The following PPP2R2D variants were observed in gnomAD, a reference collection of about 807,000 sequenced individuals.
The protein encoded by PPP2R2D is protein phosphatase 2 regulatory subunit Bdelta.
A neutral mutation model predicts 31.1 loss-of-function variants in PPP2R2D; 9 were observed. That is an observed-to-expected ratio of 0.29 (90% CI 0.17 to 0.51). The LOEUF is 0.51. Among genes scored for constraint, PPP2R2D ranks in the 20% least tolerant of loss-of-function variants. The pLI is 0.98. For missense variants in PPP2R2D, 391 were observed against 465.6 expected (o/e 0.84, Z 1.48); for synonymous variants, 179 against 172.6 (o/e 1.04, Z -0.29).
Position 131,945,652 on chromosome 10 carries a change from G to T in PPP2R2D, c.820+193G>T. On this transcript the variant is annotated intron_variant, in intron 7 of 8. Coordinates refer to ENST00000455566, the MANE Select transcript of PPP2R2D (RefSeq NM_018461.5). The surrounding 1 kb of genome is among the most constrained non-coding windows in gnomAD (Gnocchi z 4.8). ...TTTTTGTATTTTTAGTACAGACAGGGTTTCACCATGTTGACCAGACTGGTC... is the reference window on the plus strand; with the variant it reads ...TTTTTGTATTTTTAGTACAGACAGGTTTTCACCATGTTGACCAGACTGGTC... 3.2e-6 allele frequency: 2 copies of T among 628,002 alleles called. No homozygotes were observed. The highest frequency in any genetic ancestry group is 2.7e-6 in the Non-Finnish European group (1 of 372,758). The allele number at this position is 628,002 out of a possible 1,614,324, so 38.9% of individuals were successfully genotyped here. A position where few individuals can be genotyped will look rare whatever the true frequency, so the allele number is the denominator to read the frequency against.
intron 2 of PPP2R2D, among the ~76,000 whole-genome samples, chr10:131,924,135 G>A: frequency 6.6e-6 from 1 of 152,232 alleles, no homozygotes; most frequent in South Asian, 2.1e-4. Context: ...GTCTCTTGAT[G>A]GTGTCCTTAG....
chr10:131,950,764 G>A (rs976557484), intron 8 of PPP2R2D, among the ~76,000 whole-genome samples: 1 of 152,022 alleles, frequency 6.6e-6, no homozygotes, highest in Non-Finnish European at 1.5e-5. Flanking sequence ...TCTGTGTTTG[G>A]GGGAGAAAAA....
intron 8 of PPP2R2D, among the ~76,000 whole-genome samples, chr10:131,950,360 A>G (rs1302199698): frequency 6.6e-6 from 1 of 152,166 alleles, no homozygotes; most frequent in Non-Finnish European, 1.5e-5. Context: ...TCATAATGAA[A>G]TTGCAGGACA....
intron 8 of PPP2R2D, among the ~76,000 whole-genome samples, chr10:131,948,264 G>T (rs2036577538): frequency 6.6e-6 from 1 of 152,210 alleles, no homozygotes; most frequent in Non-Finnish European, 1.5e-5. Flanking sequence ...AATTTATAAT[G>T]TGATGGTTCT....
intron 2 of PPP2R2D, among the ~76,000 whole-genome samples, chr10:131,905,124 C>T (rs2035562150): frequency 6.6e-6 from 1 of 152,032 alleles, no homozygotes; most frequent in Non-Finnish European, 1.5e-5. Flanking sequence ...TATTAAGTGT[C>T]CTGCTGATGA....
At chr10:131,969,195 G>C in the PPP2R2D span, 1 of 152,444 alleles carries the variant, frequency 6.6e-6, no homozygotes, top group Non-Finnish European at 1.5e-5. Context: ...TTTCGGGGCA[G>C]ATTTTATCGT....
Position 131,955,718 on chromosome 10 carries a change from AG to A in PPP2R2D, c.1119del (p.Met374CysfsTer10). ...GACCGGGTCCTATAACAACTTCTTC[AG>A]GATGTTTGATAGAGACACGCGGAGG... ...IMTGSYNNFF[R>X]MFDRDTRRDV... On this transcript the variant is annotated frameshift_variant, in exon 9 of 9. Transcript: ENST00000455566. LOFTEE classifies it high-confidence loss of function. 1 of 1,489,486 alleles carries A rather than the reference AG, an allele frequency of 6.7e-7. No homozygotes were observed. 92.3% of individuals were successfully genotyped at this position (1,489,486 alleles called of 1,614,324 possible). A position where few individuals can be genotyped will look rare whatever the true frequency, so the allele number is the denominator to read the frequency against.
In PPP2R2D at chr10:131,920,128, G is replaced by T. The variant is rs550236606; in HGVS notation, c.101-14330G>T. Among the ~76,000 whole-genome samples the T allele has an allele frequency of 4.5e-3, 196 of 43,908 alleles. 5 individuals are homozygous for T. The highest frequency in any genetic ancestry group is 0.023 in the East Asian group (27 of 1,192). 28.8% of individuals were successfully genotyped at this position (43,908 alleles called of 152,430 possible). A position where few individuals can be genotyped will look rare whatever the true frequency, so the allele number is the denominator to read the frequency against. ...TGTTTGTAGGGACCTCACGCGGGTG[G>T]AATTACACAGTGTAGGGACCTCACG... On this transcript the variant is annotated intron_variant, in intron 2 of 8. Coordinates refer to ENST00000455566, the MANE Select transcript of PPP2R2D (RefSeq NM_018461.5).
intron 2 of PPP2R2D, among the ~76,000 whole-genome samples, chr10:131,928,099 C>T (rs2036141114): frequency 6.6e-6 from 1 of 152,222 alleles, no homozygotes; most frequent in African/African-American, 2.4e-5. Context: ...CTCATTTCAG[C>T]TGGTGTGTGA....
chr10:131,965,712 C>T, the PPP2R2D span, among the ~76,000 whole-genome samples: 2 of 152,240 alleles, frequency 1.3e-5, no homozygotes, highest in African/African-American at 2.4e-5. Context: ...TCCCAAAGTG[C>T]TGGGATTACA....
chr10:131,948,778 G>A (rs1564824443), intron 8 of PPP2R2D, among the ~76,000 whole-genome samples: 1 of 152,186 alleles, frequency 6.6e-6, no homozygotes, highest in Non-Finnish European at 1.5e-5. Context: ...GGCTTTTCCT[G>A]TATGTGCTTG....
intron 8 of PPP2R2D, among the ~76,000 whole-genome samples, chr10:131,953,420 C>A (rs2036727364): frequency 1.6e-5 from 1 of 61,064 alleles, no homozygotes; most frequent in Non-Finnish European, 3.0e-5. Flanking sequence ...CAGTGACTTG[C>A]GGGGGGTCCC....
chr10:131,970,357 C>G, the PPP2R2D span: 1 of 495,656 alleles, frequency 2.0e-6, no homozygotes, highest in Non-Finnish European at 3.6e-6. The surrounding 1 kb of genome is among the most constrained non-coding windows in gnomAD (Gnocchi z 4.1). Flanking sequence ...ACAAAGAGGT[C>G]AGACCTAAGA....
At chr10:131,941,382 A>G (rs2036438074) in intron 5 of PPP2R2D, among the ~76,000 whole-genome samples, 1 of 152,218 alleles carries the variant, frequency 6.6e-6, no homozygotes, top group Admixed American at 6.5e-5. Context: ...TAGATGGAAC[A>G]TGGTGAAGGG....
chr10:131,928,346 AG>A (rs1466767854), intron 2 of PPP2R2D, among the ~76,000 whole-genome samples: 4 of 152,242 alleles, frequency 2.6e-5, no homozygotes, highest in African/African-American at 9.6e-5. Context: ...GTTATGTGCC[AG>A]GAAGTGTGTT....
chr10:131,917,237 A>G (rs1285745528), intron 2 of PPP2R2D, among the ~76,000 whole-genome samples: 801 of 83,460 alleles, frequency 9.6e-3, no homozygotes, highest in African/African-American at 0.01. Context: ...AGGCGGGTGG[A>G]ATGACACAGT....
intron 2 of PPP2R2D, among the ~76,000 whole-genome samples, chr10:131,918,453 A>T (rs1328536896): frequency 1.7e-5 from 2 of 118,534 alleles, no homozygotes; most frequent in East Asian, 3.2e-4. Flanking sequence ...GGGACCTCAC[A>T]CGGGTGGAGT....
intron 8 of PPP2R2D, among the ~76,000 whole-genome samples, chr10:131,948,475 C>G (rs528988531): frequency 6.6e-6 from 1 of 152,198 alleles, no homozygotes; most frequent in African/African-American, 2.4e-5. Flanking sequence ...ACTGGATATT[C>G]TGCAAAACCC....
chr10:131,912,125 C>T, intron 2 of PPP2R2D: 1 of 152,294 alleles, frequency 6.6e-6, no homozygotes, highest in South Asian at 2.1e-4. Flanking sequence ...AATGTGGAAT[C>T]TTATTCTAGA....
Sources: allele counts gnomAD v4.1 joint callset (sites outside exome capture counted in the v4.1 genomes callset), GRCh38; gene constraint gnomAD v4.1.1; non-coding constraint Gnocchi (gnomAD v3.1); transcripts MANE v1.5; gene names NCBI Gene and HGNC (gene_info 2026-07-23, HGNC 2026-07-21).